The following LCOR variants were observed in gnomAD, a reference collection of about 807,000 sequenced individuals.
LCOR encodes the protein ligand-dependent corepressor.
LCOR carries 14 observed loss-of-function variants against 64.4 expected under a neutral mutation model. The ratio of observed to expected loss-of-function variants is 0.22; its 90% CI spans 0.14 to 0.34. The LOEUF is 0.34. Ranked by LOEUF, LCOR falls within the 10% of genes least tolerant of loss-of-function variation. The pLI is 1.00. For synonymous variants in LCOR, 643 were observed against 642.5 expected (o/e 1.00, Z -0.01); for missense variants, 1,686 against 1,765.3 (o/e 0.96, Z 0.80).
At chr10:96,849,578 C>T (rs766806412) in intron 2 of LCOR, among the ~76,000 whole-genome samples, 10 of 152,206 alleles carry the variant, frequency 6.6e-5, no homozygotes, top group African/African-American at 2.2e-4. Context: ...TTTTGAACAC[C>T]GAAGTAACAC....
chr10:96,970,399 AAAAT>A lies in LCOR; in HGVS notation c.333-10383_333-10380del, dbSNP rs778822961. 2.0e-4 allele frequency among the ~76,000 whole-genome samples: 31 copies of A among 152,096 alleles called. 1 individual carries two copies. The highest frequency in any genetic ancestry group is 3.3e-4 in the Admixed American group (5 of 15,286). On this transcript the variant is annotated intron_variant, in intron 7 of 7. Coordinates refer to ENST00000421806, the MANE Select transcript of LCOR (RefSeq NM_001346516.2). The stretch of plus-strand genomic sequence containing the variant: ...GCTACAGACTGAGACGCCGTCTCAA[AAAAT>A]AAATAAATAAGAGTAAAAAATAAAT...
intron 5 of LCOR, among the ~76,000 whole-genome samples, chr10:96,945,249 A>T (rs1031385849): frequency 6.6e-6 from 1 of 152,172 alleles, no homozygotes; most frequent in African/African-American, 2.4e-5. Context: ...GACATTGGTT[A>T]AAAGTCTGAT....
intron 2 of LCOR, among the ~76,000 whole-genome samples, chr10:96,856,991 A>G (rs1845815887): frequency 6.6e-6 from 1 of 151,968 alleles, no homozygotes; most frequent in Admixed American, 6.6e-5. Flanking sequence ...AAGTAGAAAA[A>G]ATAGACTTAA....
At chr10:96,946,961 A>T (rs1044243032) in intron 5 of LCOR, among the ~76,000 whole-genome samples, 7 of 152,080 alleles carry the variant, frequency 4.6e-5, no homozygotes, top group African/African-American at 1.7e-4. Context: ...CAGGGGTGGA[A>T]AGGTAAACTA....
intron 4 of LCOR, among the ~76,000 whole-genome samples, chr10:96,914,801 T>C (rs1337278166): frequency 1.3e-5 from 2 of 152,198 alleles, no homozygotes; most frequent in Non-Finnish European, 2.9e-5. Flanking sequence ...AAAATGGCAG[T>C]ATTTATCTGA....
intron 4 of LCOR, among the ~76,000 whole-genome samples, chr10:96,939,931 C>T (rs1172843543): frequency 1.3e-5 from 2 of 152,284 alleles, no homozygotes; most frequent in Middle Eastern, 3.4e-3. Flanking sequence ...CCACTGCGCT[C>T]CAGCCTAGGC....
rs1355642465 is a variant in LCOR, at chr10:96,985,834, C to T, written c.*700C>T. On this transcript the variant is annotated 3_prime_UTR_variant, in exon 8 of 8. Transcript: ENST00000421806. ...TGCCCATGGGACAAGAGATATGTCACAAGTGTTAATTTTTGTTTACAAACT... is the reference window on the plus strand; with the variant it reads ...TGCCCATGGGACAAGAGATATGTCATAAGTGTTAATTTTTGTTTACAAACT... 6.0e-6 allele frequency: 1 copy of T among 167,022 alleles called. No individual in the cohort carries two copies. Among genetic ancestry groups the T allele is most frequent in the African/African-American group, 2.4e-5 (1 of 41,446 alleles). 10.3% of individuals were successfully genotyped at this position (167,022 alleles called of 1,614,324 possible). A position where few individuals can be genotyped will look rare whatever the true frequency, so the allele number is the denominator to read the frequency against.
At chr10:96,941,357 C>T (rs1473865308) in intron 4 of LCOR, among the ~76,000 whole-genome samples, 4 of 139,416 alleles carry the variant, frequency 2.9e-5, no homozygotes, top group African/African-American at 8.3e-5. Flanking sequence ...CCAGTAGGGG[C>T]GGCCGGGCAG....
intron 2 of LCOR, among the ~76,000 whole-genome samples, chr10:96,854,907 A>G (rs1244698733): frequency 6.6e-6 from 1 of 152,172 alleles, no homozygotes; most frequent in African/African-American, 2.4e-5. Context: ...GAAAAATTAT[A>G]TGTGTGTTTT....
chr10:96,858,692 T>A (rs1044576075), intron 2 of LCOR, among the ~76,000 whole-genome samples: 1 of 152,196 alleles, frequency 6.6e-6, no homozygotes, highest in Non-Finnish European at 1.5e-5. Context: ...GGGAAAACTT[T>A]ATGAATGTTT....
chr10:96,898,737 T>G (rs1361416731), intron 2 of LCOR, among the ~76,000 whole-genome samples: 1 of 152,204 alleles, frequency 6.6e-6, no homozygotes, highest in East Asian at 1.9e-4. Flanking sequence ...TTTTACACAT[T>G]CTGGGTAGTA....
chr10:96,965,272 G>A (rs2134549573), intron 7 of LCOR, among the ~76,000 whole-genome samples: 1 of 151,700 alleles, frequency 6.6e-6, no homozygotes, highest in African/African-American at 2.4e-5. Context: ...GCCTCCCAAA[G>A]TGCTGGGATT....
At chr10:96,838,840 T>C (rs1030226378) in intron 2 of LCOR, among the ~76,000 whole-genome samples, 4 of 152,242 alleles carry the variant, frequency 2.6e-5, no homozygotes, top group Non-Finnish European at 5.9e-5. Context: ...CTTGAGTATG[T>C]ACCTAGGATG....
chr10:96,956,432 AAACT>A (rs1662080290), intron 7 of LCOR: 2 of 985,366 alleles, frequency 2.0e-6, no homozygotes, highest in Admixed American at 1.2e-4. Context: ...ACTAAAGAAA[AAACT>A]AAGAAGAACA....
At chr10:96,882,112 C>T (rs919677909) in intron 2 of LCOR, among the ~76,000 whole-genome samples, 3 of 152,126 alleles carry the variant, frequency 2.0e-5, no homozygotes, top group Non-Finnish European at 2.9e-5. Context: ...AACTAATAAC[C>T]TCTTAACATG....
chr10:96,972,536 G>A (rs551017538), intron 7 of LCOR, among the ~76,000 whole-genome samples: 1 of 152,084 alleles, frequency 6.6e-6, no homozygotes, highest in East Asian at 1.9e-4. Flanking sequence ...TGGCATCCTG[G>A]GTACATTTGT....
At chr10:96,832,493 C>A in intron 1 of LCOR, 94 bp downstream of exon 1, 1 of 318,670 alleles carries the variant, frequency 3.1e-6, no homozygotes, top group Non-Finnish European at 4.5e-6. Context: ...GCAATTGCTG[C>A]TCCGGCCCGC....
chr10:96,989,691 A>ATTT lies in LCOR; in HGVS notation c.*4558_*4559insTTT, dbSNP rs1413808622. On this transcript the variant is annotated 3_prime_UTR_variant, in exon 8 of 8. Coordinates refer to ENST00000421806, the MANE Select transcript of LCOR (RefSeq NM_001346516.2). ...AGGATAAGGATATATATATATATAT[A>ATTT]TATATTTTTTTTTTTTTTTTTTTTT... The ATTT allele has an allele frequency of 2.5e-5, 2 of 79,614 alleles. No homozygotes were observed. Among genetic ancestry groups the ATTT allele is most frequent in the South Asian group, 4.0e-4 (1 of 2,524 alleles). 4.9% of individuals were successfully genotyped at this position (79,614 alleles called of 1,614,324 possible). A position where few individuals can be genotyped will look rare whatever the true frequency, so the allele number is the denominator to read the frequency against.
intron 2 of LCOR, among the ~76,000 whole-genome samples, chr10:96,849,492 G>A (rs1231838640): frequency 1.3e-5 from 2 of 152,118 alleles, no homozygotes; most frequent in African/African-American, 4.8e-5. Flanking sequence ...TTGCAGCCGC[G>A]AGCCACCACG....
Sources: gnomAD v4.1 joint callset for allele counts (sites outside exome capture counted in the v4.1 genomes callset) on GRCh38, gnomAD v4.1.1 for gene constraint, MANE v1.5 for transcripts, NCBI Gene and HGNC (gene_info 2026-07-23, HGNC 2026-07-21) for gene names.